Variants in PTCH1 observed in about 807,000 individuals in gnomAD.
The protein encoded by PTCH1 is protein patched homolog 1.
Under a neutral mutation model 144.6 loss-of-function variants are expected in PTCH1, and 14 were observed. The ratio of observed to expected loss-of-function variants is 0.10; its 90% CI spans 0.06 to 0.15. The LOEUF (loss-of-function observed/expected upper bound fraction) is 0.15. Ranked by LOEUF, PTCH1 falls within the 10% of genes least tolerant of loss-of-function variation. The pLI, the probability that PTCH1 is intolerant of heterozygous loss-of-function variation, is 1.00. For synonymous variants in PTCH1, 833 were observed against 793.6 expected (o/e 1.05, Z -0.83); for missense variants, 1,623 against 1,948.3 (o/e 0.83, Z 3.14).
upstream of PTCH1, among the ~76,000 whole-genome samples, chr9:95,512,409 G>C (rs944314919): frequency 7.3e-6 from 1 of 137,684 alleles, no homozygotes; most frequent in Admixed American, 8.2e-5. Context: ...CCTGTGGTCT[G>C]CTTTTTTCAT....
intron 18 of PTCH1, among the ~76,000 whole-genome samples, 178 bp downstream of exon 18, chr9:95,457,835 C>A (rs1839074809): frequency 6.6e-6 from 1 of 152,138 alleles, no homozygotes; most frequent in South Asian, 2.1e-4. Context: ...ACGAATAAGG[C>A]CATTAGAGGT....
intron 3 of PTCH1, 110 bp from the exon 4 acceptor site, chr9:95,482,313 G>T: frequency 9.0e-7 from 1 of 1,107,368 alleles, no homozygotes; most frequent in Non-Finnish European, 1.3e-6. Flanking sequence ...TCACTTTTAA[G>T]CATCTGTCAA....
At chr9:95,494,483 C>T (rs951914212) in intron 2 of PTCH1, 65 of 975,820 alleles carry the variant, frequency 6.7e-5, no homozygotes, top group Non-Finnish European at 7.3e-5. Context: ...TGACTTCCTG[C>T]AGAGCACAGG....
In PTCH1 at chr9:95,447,459, G is replaced by C. The variant is rs1056411006; in HGVS notation, c.3805-8C>G. 4 of 1,558,740 alleles carry C rather than the reference G, an allele frequency of 2.6e-6. No homozygotes were observed. Among genetic ancestry groups the C allele is most frequent in the African/African-American group, 1.4e-5 (1 of 73,232 alleles). On this transcript the variant is annotated splice_polypyrimidine_tract_variant and splice_region_variant and intron_variant, in intron 22 of 23. Transcript: ENST00000331920. ...GGATTCGGGATGGACCACCTGCAGA[G>C]GGTGAGGGTGGGTTAGAAGGGTGGT...
Position 95,446,252 on chromosome 9 carries a change from G to T in PTCH1, c.*141C>A. Reference sequence around the variant, plus strand: ...AATATTTAACAAAATAATACAATCGGTTACAGTAACAATGAACTGCTGTCC... The same window carrying T: ...AATATTTAACAAAATAATACAATCGTTTACAGTAACAATGAACTGCTGTCC... On this transcript the variant is annotated 3_prime_UTR_variant, in exon 24 of 24. Coordinates refer to ENST00000331920, the MANE Select transcript of PTCH1 (RefSeq NM_000264.5). 1 of 429,206 alleles carries T rather than the reference G, an allele frequency of 2.3e-6. No homozygotes were observed. Among genetic ancestry groups the T allele is most frequent in the Non-Finnish European group, 4.6e-6 (1 of 218,454 alleles). 26.6% of individuals were successfully genotyped at this position (429,206 alleles called of 1,614,324 possible).
At position 95,508,222 on chromosome 9, in the gene PTCH1, C is replaced by T. The variant is rs775408408; in HGVS notation, c.140G>A (p.Arg47Gln). 6.2e-7 allele frequency: 1 copy of T among 1,611,242 alleles called. No homozygotes were observed. ...GGLRRAAAPD[R>Q]DYLHRPSYCD... ...GTAGCTGGGCCGGTGCAGATAGTCC[C>T]GGTCCGGCGCGGCAGCACGGCGCAG... The change falls in exon 1 of 24, where the codon CGG becomes CAG. Residue 47 changes from arginine to glutamine, a missense_variant. Arg to Gln is a conservative substitution (Grantham distance 43). Around this residue, in one of 7 missense-constraint regions of PTCH1, gnomAD observed 245 missense variants for 240.6 expected, o/e 1.02. Coordinates refer to ENST00000331920, the MANE Select transcript of PTCH1 (RefSeq NM_000264.5).
Position 95,468,806 on chromosome 9 carries a change from A to G in PTCH1, c.2195T>C (p.Leu732Pro), listed in dbSNP as rs1229587325. The change falls in exon 14 of 24, where the codon CTC becomes CCC. Residue 732 changes from leucine to proline, a missense_variant. Transcript: ENST00000331920. ...CLEPPCTKWT[L>P]SSFAEKHYAP... ...ATAGTGCTTCTCAGCAAAAGATGAG[A>G]GTGTCCACTTCGTACAGGGGGGCTC... is the stretch of plus-strand genomic sequence containing the variant. 2 of 1,614,194 alleles carry G rather than the reference A, an allele frequency of 1.2e-6. No homozygotes were observed. The highest frequency in any genetic ancestry group is 2.2e-5 in the East Asian group (1 of 44,872).
At position 95,508,292 on chromosome 9, in the gene PTCH1, G is replaced by T. The variant is rs1338078012; in HGVS notation, c.70C>A (p.Pro24Thr). 2 of 1,528,772 alleles carry T rather than the reference G, an allele frequency of 1.3e-6. No homozygotes were observed. The highest frequency in any genetic ancestry group is 4.0e-5 in the Admixed American group (2 of 50,368). 94.7% of individuals were successfully genotyped at this position (1,528,772 alleles called of 1,614,324 possible). The change falls in exon 1 of 24, where the codon CCG becomes ACG. Residue 24 changes from proline to threonine, a missense_variant. Around this residue, in one of 7 missense-constraint regions of PTCH1, gnomAD observed 245 missense variants for 240.6 expected, o/e 1.02. Transcript: ENST00000331920. ...GGGGSGCIGA[P>T]GRPAGGGRRR... is the part of the protein sequence containing the mutation. ...CTCCCGCCTCCAGCCGGCCGTCCCG[G>T]GGCACCGATACAGCCGCTGCCGCCG...
intron 2 of PTCH1, among the ~76,000 whole-genome samples, chr9:95,496,729 A>G (rs1254596462): frequency 6.6e-6 from 1 of 152,104 alleles, no homozygotes; most frequent in Non-Finnish European, 1.5e-5. Flanking sequence ...CATATTTATC[A>G]TTTTTTACTT....
chr9:95,516,632 G>A, exon 1 of PTCH1: 1 of 1,609,122 alleles, frequency 6.2e-7, no homozygotes, highest in Non-Finnish European at 8.5e-7. Context: ...CCTTGTCGCT[G>A]CGGGTCTCTT....
At chr9:95,489,780 G>A (rs972718643) in intron 2 of PTCH1, among the ~76,000 whole-genome samples, 5 of 150,956 alleles carry the variant, frequency 3.3e-5, no homozygotes, top group African/African-American at 1.2e-4. Flanking sequence ...AGCCATTTTT[G>A]CTGTGTGGTA....
At position 95,482,200 on chromosome 9, in the gene PTCH1, C is replaced by T. The variant is rs775859621; in HGVS notation, c.588G>A (p.Gln196=). ...TGTAACACAAATGTTCCAATTTCCA[C>T]TGCCTAATAAAATGAAAAGCAGAGA... ...SRVHVYMYNR[Q]WKLEHLCYKS... is the part of the protein sequence containing the mutation. Residue 196 remains glutamine (Q), a synonymous_variant, in exon 4 of 24, where the codon CAG becomes CAA. Coordinates refer to ENST00000331920, the MANE Select transcript of PTCH1 (RefSeq NM_000264.5). 33 of 1,613,748 alleles carry T rather than the reference C, an allele frequency of 2.0e-5. No homozygotes were observed. The highest frequency in any genetic ancestry group is 4.0e-5 in the African/African-American group (3 of 74,914).
At chr9:95,471,896 G>GCA (rs1175419586) in intron 12 of PTCH1, among the ~76,000 whole-genome samples, 3 of 152,222 alleles carry the variant, frequency 2.0e-5, no homozygotes, top group Admixed American at 1.3e-4. Context: ...AGTTAGCCAG[G>GCA]CGTGGTGGCG....
intron 2 of PTCH1, among the ~76,000 whole-genome samples, chr9:95,488,856 C>T (rs550436649): frequency 6.6e-6 from 1 of 152,280 alleles, no homozygotes; most frequent in Non-Finnish European, 1.5e-5. Flanking sequence ...AGGGAAACAA[C>T]ATTTAGGTGA....
Position 95,443,313 on chromosome 9 carries a change from C to A in PTCH1, c.*3080G>T, listed in dbSNP as rs1006981555. 1 of 152,234 alleles carries A rather than the reference C, an allele frequency of 6.6e-6. No homozygotes were observed. The highest frequency in any genetic ancestry group is 1.5e-5 in the Non-Finnish European group (1 of 68,008). The allele number at this position is 152,234 out of a possible 1,614,324, so 9.4% of individuals were successfully genotyped here. A position where few individuals can be genotyped will look rare whatever the true frequency, so the allele number is the denominator to read the frequency against. On this transcript the variant is annotated 3_prime_UTR_variant, in exon 24 of 24. Transcript: ENST00000331920. ...GATAGAGCAAAAAAGAAGAGTGTCA[C>A]AAGGTCAGCAAGATGAAACAACAGT...
chr9:95,509,602 C>T (rs933936867), upstream of PTCH1, among the ~76,000 whole-genome samples: 3 of 152,228 alleles, frequency 2.0e-5, no homozygotes, highest in Admixed American at 6.5e-5. Flanking sequence ...TGCGCGCACA[C>T]ACGCGCGCGC....
chr9:95,503,370 C>T (rs1236099175), intron 2 of PTCH1: 1 of 152,222 alleles, frequency 6.6e-6, no homozygotes, highest in Non-Finnish European at 1.5e-5. Context: ...AATGCTCACA[C>T]TACTTACTGC....
Position 95,449,036 on chromosome 9 carries a change from G to C in PTCH1, c.3804+33C>G. 1.2e-6 allele frequency: 2 copies of C among 1,612,456 alleles called. No individual in the cohort carries two copies. The highest frequency in any genetic ancestry group is 2.2e-5 in the South Asian group (2 of 91,042). On this transcript the variant is annotated intron_variant, in intron 22 of 23. Transcript: ENST00000331920. This position sits in a 1 kb window ranked among gnomAD's most constrained non-coding sequence, Gnocchi z 5.3. ...TCCAGGCCCACTACCACGGTGGGAAGACCCCTCCCCCTGGTTCTGCAGAGT... is the reference window on the plus strand; with the variant it reads ...TCCAGGCCCACTACCACGGTGGGAACACCCCTCCCCCTGGTTCTGCAGAGT...
chr9:95,483,905 T>A (rs1232570572), intron 3 of PTCH1: 1 of 152,200 alleles, frequency 6.6e-6, no homozygotes, highest in Non-Finnish European at 1.5e-5. Context: ...ATTAGAAAAA[T>A]GAATGGGCTT....
Sources: allele counts gnomAD v4.1 joint callset (sites outside exome capture counted in the v4.1 genomes callset), GRCh38; gene constraint gnomAD v4.1.1; regional missense constraint gnomAD v4.1.1; non-coding constraint Gnocchi (gnomAD v3.1); transcripts MANE v1.5; gene names NCBI Gene and HGNC (gene_info 2026-07-23, HGNC 2026-07-21).